The following CMYA5 variants were observed in gnomAD, a reference collection of about 807,000 sequenced individuals.
CMYA5 encodes the protein cardiomyopathy-associated protein 5.
In CMYA5, 246 loss-of-function variants were observed where a neutral mutation model predicts 318.9. The observed-to-expected ratio is 0.77, with a 90% CI of 0.70 to 0.86. The LOEUF (loss-of-function observed/expected upper bound fraction) is 0.86. Among genes scored for constraint, CMYA5 ranks in the 40% least tolerant of loss-of-function variants. The probability of loss-of-function intolerance (pLI) is 0.00; values close to 1 mark genes in which losing one functional copy is unlikely to be tolerated. For synonymous variants in CMYA5, 1,641 were observed against 1,729.5 expected, an observed-to-expected ratio of 0.95 and a Z score of 1.27; for missense variants, 4,589 against 4,678.2, an observed-to-expected ratio of 0.98 and a Z score of 0.56.
At chr5:79,695,457 GTT>G (rs1433129782) in intron 1 of CMYA5, among the ~76,000 whole-genome samples, 1 of 152,202 alleles carries the variant, frequency 6.6e-6, no homozygotes, top group Non-Finnish European at 1.5e-5. Flanking sequence ...AGTCTCTGAT[GTT>G]TTTTAAATAC....
At chr5:79,717,385 A>T (rs1227615626) in intron 1 of CMYA5, among the ~76,000 whole-genome samples, 2 of 152,216 alleles carry the variant, frequency 1.3e-5, no homozygotes, top group African/African-American at 4.8e-5. Flanking sequence ...GCTAAGATAT[A>T]CATACAAATA....
Position 79,758,938 on chromosome 5 carries a change from T to C in CMYA5, c.11260+36T>C, listed in dbSNP as rs1418143410. 8.1e-6 allele frequency: 12 copies of C among 1,483,966 alleles called. No individual in the cohort carries two copies. The South Asian group carries it at 1.5e-4, about 19-fold the overall frequency. 91.9% of individuals were successfully genotyped at this position (1,483,966 alleles called of 1,614,324 possible). A position where few individuals can be genotyped will look rare whatever the true frequency, so the allele number is the denominator to read the frequency against. On this transcript the variant is annotated intron_variant, in intron 7 of 12. Transcript: ENST00000446378. ...TAACACAAATACAAATGCATATGCA[T>C]ATTCATGCATCTTCATGTGAAGTAT...
intron 9 of CMYA5, among the ~76,000 whole-genome samples, chr5:79,778,819 G>C (rs1219571643): frequency 8.7e-6 from 1 of 115,064 alleles, no homozygotes; most frequent in Non-Finnish European, 1.7e-5. Flanking sequence ...TTCTGTGTGT[G>C]TGTGTGTGTG....
rs775033853 is a variant in CMYA5, at chr5:79,731,326, A to T, written c.2561A>T (p.His854Leu). ...CCAGATTTGGTTGTTGCATCTGAAC[A>T]CTCTTTCCCACCACACACAACCGAG... ...SSPDLVVASE[H>L]SFPPHTTEMT... The change falls in exon 2 of 13, where the codon CAC (histidine) becomes CTC (leucine). Residue 854 changes from histidine (H) to leucine (L), a missense_variant. Physicochemically the swap from His to Leu is moderately conservative, Grantham distance 99 (BLOSUM62 -3). Around this residue, in one of 3 missense-constraint regions of CMYA5, gnomAD observed 2,132 missense variants for 2,131.3 expected, o/e 1.00. Coordinates refer to ENST00000446378, the MANE Select transcript of CMYA5 (RefSeq NM_153610.5). 6.2e-7 allele frequency: 1 copy of T among 1,613,624 alleles called. No individual in the cohort carries two copies. Among genetic ancestry groups the T allele is most frequent in the Non-Finnish European group, 8.5e-7 (1 of 1,179,792 alleles).
intron 1 of CMYA5, among the ~76,000 whole-genome samples, chr5:79,725,764 C>A (rs1420911642): frequency 6.6e-6 from 1 of 152,074 alleles, no homozygotes; most frequent in African/African-American, 2.4e-5. Flanking sequence ...ATTAGCCGGG[C>A]GTTATGACAC....
intron 1 of CMYA5, among the ~76,000 whole-genome samples, chr5:79,700,269 G>C (rs1827148850): frequency 6.6e-6 from 1 of 152,194 alleles, no homozygotes; most frequent in Non-Finnish European, 1.5e-5. Flanking sequence ...CCACCAAACA[G>C]GTTTCAGTTT....
At position 79,739,093 on chromosome 5, in the gene CMYA5, C is replaced by A. The variant is rs778897138; in HGVS notation, c.10328C>A (p.Ser3443Ter). 1.2e-6 allele frequency: 2 copies of A among 1,613,864 alleles called. No individual in the cohort carries two copies. The highest frequency in any genetic ancestry group is 2.2e-5 in the East Asian group (1 of 44,882). The change falls in exon 2 of 13, where the codon TCA becomes TAA. Residue 3443 changes from serine (S) to a stop codon, truncating the protein, a stop_gained. Transcript: ENST00000446378. LOFTEE classifies it high-confidence loss of function. Reference protein sequence around the residue: ...PQDILSEELSSESTPEDVLSQ... With the variant: ...PQDILSEELS ...GACATATTATCAGAAGAACTGTCTT[C>A]AGAATCCACACCTGAAGATGTCTTA...
intron 9 of CMYA5, among the ~76,000 whole-genome samples, chr5:79,769,621 C>A (rs1828818484): frequency 6.6e-6 from 1 of 152,132 alleles, no homozygotes; most frequent in Admixed American, 6.5e-5. Flanking sequence ...CTGGGTATCA[C>A]AAGCAGAGGC....
chr5:79,799,467 ATC>A lies in CMYA5; in HGVS notation c.12063_12064del (p.Phe4022HisfsTer17). 1 of 1,614,028 alleles carries A rather than the reference ATC, an allele frequency of 6.2e-7. No individual in the cohort carries two copies. The highest frequency in any genetic ancestry group is 8.5e-7 in the Non-Finnish European group (1 of 1,179,902). On this transcript the variant is annotated frameshift_variant, in exon 13 of 13. Coordinates refer to ENST00000446378, the MANE Select transcript of CMYA5 (RefSeq NM_153610.5). LOFTEE classifies it high-confidence loss of function. ...GCTGGACTACAACAACCAGAGACTT[ATC>A]TTCATCAACGCAGAGAGCGAGCAGT... ...ILLDYNNQRLIFINAESEQLL... is the reference protein window; with the variant it reads ...ILLDYNNQRLXFINAESEQLL...
Position 79,731,731 on chromosome 5 carries a change from A to T in CMYA5, c.2966A>T (p.Asp989Val), listed in dbSNP as rs1361256313. The T allele has an allele frequency of 6.2e-7, 1 of 1,613,850 alleles. No homozygotes were observed. Among genetic ancestry groups the T allele is most frequent in the Non-Finnish European group, 8.5e-7 (1 of 1,179,884 alleles). Residue 989 changes from aspartate (D) to valine (V), a missense_variant, in exon 2 of 13, where the codon GAT becomes GTT. Asp to Val is a radical substitution (Grantham distance 152). Coordinates refer to ENST00000446378, the MANE Select transcript of CMYA5 (RefSeq NM_153610.5). ...TSPSEHTILS[D>V]EDTEEAELFS... ...CCATCTGAGCACACTATTTTGTCAG[A>T]TGAAGACACTGAAGAAGCGGAACTG...
chr5:79,757,324 G>T (rs1055885220), intron 6 of CMYA5, among the ~76,000 whole-genome samples: 6 of 152,024 alleles, frequency 3.9e-5, no homozygotes, highest in Non-Finnish European at 8.8e-5. Flanking sequence ...TTGATTTATG[G>T]CATTGCATAT....
rs764310921 is a variant in CMYA5, at chr5:79,732,192, A to G, written c.3427A>G (p.Ser1143Gly). ...SEVEKGEREA[S>G]SSVAAIPAAL... ...AGTGGAGAAGGGAGAAAGGGAGGCA[A>G]GTTCATCAGTAGCTGCAATACCTGC... The change falls in exon 2 of 13, where the codon AGT (serine) becomes GGT (glycine). Residue 1143 changes from serine (S) to glycine (G), a missense_variant. Coordinates refer to ENST00000446378, the MANE Select transcript of CMYA5 (RefSeq NM_153610.5). 2.3e-5 allele frequency: 37 copies of G among 1,613,824 alleles called. No homozygotes were observed. The highest frequency in any genetic ancestry group is 3.1e-5 in the Non-Finnish European group (36 of 1,179,878).
intron 1 of CMYA5, among the ~76,000 whole-genome samples, 186 bp from the exon 2 acceptor site, chr5:79,728,729 G>T (rs193250900): frequency 6.6e-6 from 1 of 152,110 alleles, no homozygotes; most frequent in Non-Finnish European, 1.5e-5. Context: ...ATTGTATTGG[G>T]TATCCTGACT....
chr5:79,725,699 T>C (rs950622463), intron 1 of CMYA5, among the ~76,000 whole-genome samples: 1 of 152,242 alleles, frequency 6.6e-6, no homozygotes, highest in South Asian at 2.1e-4. Flanking sequence ...GGCCAGAAGT[T>C]CGAGGCCAGC....
intron 9 of CMYA5, among the ~76,000 whole-genome samples, chr5:79,786,914 T>C (rs1829092138): frequency 6.6e-6 from 1 of 152,218 alleles, no homozygotes; most frequent in Non-Finnish European, 1.5e-5. Flanking sequence ...AATGAGGACA[T>C]TGTGCACATT....
chr5:79,766,265 A>AT (rs1296871769), intron 9 of CMYA5, among the ~76,000 whole-genome samples: 1 of 151,866 alleles, frequency 6.6e-6, no homozygotes, highest in African/African-American at 2.4e-5. Context: ...AGCCCCGCTA[A>AT]TTTTTTTGGG....
intron 1 of CMYA5, among the ~76,000 whole-genome samples, chr5:79,721,937 T>A (rs928183283): frequency 1.3e-5 from 2 of 152,090 alleles, no homozygotes; most frequent in African/African-American, 2.4e-5. Flanking sequence ...TTACTAAGGC[T>A]AAAAAAGATC....
At chr5:79,790,092 C>T (rs528224635) in intron 10 of CMYA5, among the ~76,000 whole-genome samples, 36 of 152,256 alleles carry the variant, frequency 2.4e-4, no homozygotes, top group African/African-American at 8.7e-4. Context: ...AACAAGCGAT[C>T]GGCTTACCCA....
intron 1 of CMYA5, among the ~76,000 whole-genome samples, chr5:79,713,248 C>T (rs1379549367): frequency 2.0e-5 from 3 of 151,982 alleles, no homozygotes; most frequent in African/African-American, 4.8e-5. Flanking sequence ...GCCAGGGAGG[C>T]CACTAAACAT....
Sources: gnomAD v4.1 joint callset for allele counts (sites outside exome capture counted in the v4.1 genomes callset) on GRCh38, gnomAD v4.1.1 for gene constraint, gnomAD v4.1.1 regional missense constraint, MANE v1.5 for transcripts, NCBI Gene and HGNC (gene_info 2026-07-23, HGNC 2026-07-21) for gene names.